LRFN5: variants seen among roughly 807,000 people sequenced by gnomAD.
The protein encoded by LRFN5 is leucine rich repeat and fibronectin type III domain containing 5.
A neutral mutation model predicts 45.6 loss-of-function variants in LRFN5; 24 were observed. The ratio of observed to expected loss-of-function variants is 0.53; its 90% CI spans 0.38 to 0.74. The LOEUF (loss-of-function observed/expected upper bound fraction) is 0.74. Ranked by LOEUF, LRFN5 falls within the 30% of genes least tolerant of loss-of-function variation. The pLI is 0.00. For synonymous variants in LRFN5, 340 were observed against 313.8 expected (o/e 1.08, Z -0.88); for missense variants, 776 against 861.5 (o/e 0.90, Z 1.24).
At chr14:41,746,789 T>G (rs1234803332) in intron 1 of LRFN5, among the ~76,000 whole-genome samples, 2 of 151,966 alleles carry the variant, frequency 1.3e-5, no homozygotes, top group Non-Finnish European at 2.9e-5. Flanking sequence ...ATATGATCTT[T>G]TAAGTAGAAA....
chr14:41,783,279 G>A (rs1216527953), intron 2 of LRFN5, among the ~76,000 whole-genome samples: 6 of 152,158 alleles, frequency 3.9e-5, no homozygotes, highest in Admixed American at 3.9e-4. Flanking sequence ...TCAGCCTTCA[G>A]CAAATCACCA....
intron 2 of LRFN5, among the ~76,000 whole-genome samples, chr14:41,866,153 T>G (rs1013900155): frequency 2.6e-5 from 4 of 152,168 alleles, no homozygotes; most frequent in Non-Finnish European, 1.5e-5. Context: ...ACACCTCTGT[T>G]TTTATCTAGA....
intron 2 of LRFN5, among the ~76,000 whole-genome samples, chr14:41,792,223 G>C (rs1886948039): frequency 6.6e-6 from 1 of 152,038 alleles, no homozygotes; most frequent in South Asian, 2.1e-4. Context: ...AAGATCACAT[G>C]CTTCAAAGGG....
At chr14:41,631,360 G>GA (rs1888527657) in intron 1 of LRFN5, among the ~76,000 whole-genome samples, 1 of 151,920 alleles carries the variant, frequency 6.6e-6, no homozygotes, top group African/African-American at 2.4e-5. Context: ...ACCTATCTCA[G>GA]AAAACCATGT....
At chr14:41,659,426 C>G (rs1880529756) in intron 1 of LRFN5, among the ~76,000 whole-genome samples, 1 of 152,024 alleles carries the variant, frequency 6.6e-6, no homozygotes, top group Admixed American at 6.6e-5. Flanking sequence ...GTATATGTGC[C>G]ACATCTTCTT....
intron 1 of LRFN5, among the ~76,000 whole-genome samples, chr14:41,735,687 T>G (rs1371023014): frequency 6.6e-6 from 1 of 152,166 alleles, no homozygotes; most frequent in East Asian, 1.9e-4. Flanking sequence ...ACAAGTGCCG[T>G]GGTGATAAGC....
chr14:41,755,148 G>C (rs991636710), intron 1 of LRFN5, among the ~76,000 whole-genome samples: 7 of 152,104 alleles, frequency 4.6e-5, no homozygotes, highest in African/African-American at 1.7e-4. Flanking sequence ...TATAATTTCT[G>C]TTCTTTTACA....
At chr14:41,620,499 A>G (rs1472027668) in intron 1 of LRFN5, among the ~76,000 whole-genome samples, 2 of 152,080 alleles carry the variant, frequency 1.3e-5, no homozygotes, top group African/African-American at 4.8e-5. Context: ...CGAAGAATTG[A>G]GGAGAGATGA....
intron 1 of LRFN5, among the ~76,000 whole-genome samples, chr14:41,685,415 C>A (rs993029901): frequency 2.0e-5 from 3 of 152,022 alleles, no homozygotes; most frequent in East Asian, 1.9e-4. Context: ...TATTACCAGA[C>A]AAACAGATAG....
At position 41,818,155 on chromosome 14, in the gene LRFN5, G is replaced by A. The variant is rs74045453; in HGVS notation, c.-21+51126G>A. On this transcript the variant is annotated intron_variant, in intron 2 of 5. Coordinates refer to ENST00000298119, the MANE Select transcript of LRFN5 (RefSeq NM_152447.5). ...ATGCTAACTGCATGTTAATTATCTGGGTCTTAGCCTTTTCCTTTTTTATTC... is the reference window on the plus strand; with the variant it reads ...ATGCTAACTGCATGTTAATTATCTGAGTCTTAGCCTTTTCCTTTTTTATTC... Among the ~76,000 whole-genome samples, 188 of 151,676 alleles carry A rather than the reference G, an allele frequency of 1.2e-3. 1 individual carries two copies. The highest frequency in any genetic ancestry group is 4.4e-3 in the African/African-American group (182 of 41,380).
intron 1 of LRFN5, among the ~76,000 whole-genome samples, chr14:41,759,448 TA>T (rs1885554974): frequency 1.3e-4 from 14 of 109,642 alleles, no homozygotes; most frequent in Admixed American, 2.0e-4. Flanking sequence ...TCTCTCTCTC[TA>T]CACACACACA....
At position 41,891,607 on chromosome 14, in the gene LRFN5, T is replaced by C. The variant is rs997295179; in HGVS notation, c.1743T>C (p.Cys581=). The C allele has an allele frequency of 6.2e-7, 1 of 1,614,070 alleles. No homozygotes were observed. Among genetic ancestry groups the C allele is most frequent in the Non-Finnish European group, 8.5e-7 (1 of 1,180,036 alleles). The change falls in exon 4 of 6, where the codon TGT becomes TGC. Residue 581 remains cysteine (C), a synonymous_variant. Coordinates refer to ENST00000298119, the MANE Select transcript of LRFN5 (RefSeq NM_152447.5). ...SQTNGAQIQG[C]SVTLPQSVSK... Reference sequence around the variant, plus strand: ...CTAACGGGGCTCAAATACAAGGCTGTAGTGTAACGCTGCCCCAGTCCGTGT... The same window carrying C: ...CTAACGGGGCTCAAATACAAGGCTGCAGTGTAACGCTGCCCCAGTCCGTGT...
At chr14:41,853,904 T>C (rs1178725860) in intron 2 of LRFN5, among the ~76,000 whole-genome samples, 1 of 152,102 alleles carries the variant, frequency 6.6e-6, no homozygotes, top group Non-Finnish European at 1.5e-5. Context: ...TATGATTTAC[T>C]GGTTTCTTAT....
chr14:41,612,011 T>G (rs1887774876), intron 1 of LRFN5, among the ~76,000 whole-genome samples: 1 of 152,202 alleles, frequency 6.6e-6, no homozygotes, highest in Admixed American at 6.5e-5. Flanking sequence ...ATATCATGTT[T>G]TATCACTCTT....
intron 2 of LRFN5, among the ~76,000 whole-genome samples, chr14:41,807,568 T>C (rs1157179527): frequency 6.6e-6 from 1 of 152,170 alleles, no homozygotes; most frequent in Admixed American, 6.6e-5. Context: ...TAAATGAGAT[T>C]TGAATGCTCT....
chr14:41,832,416 G>A (rs960009361), intron 2 of LRFN5, among the ~76,000 whole-genome samples: 2 of 152,078 alleles, frequency 1.3e-5, no homozygotes, highest in Admixed American at 6.5e-5. Flanking sequence ...GGCACAAAGC[G>A]ACCAATGGCA....
At chr14:41,703,447 AT>A (rs1432191651) in intron 1 of LRFN5, among the ~76,000 whole-genome samples, 1 of 151,936 alleles carries the variant, frequency 6.6e-6, no homozygotes, top group Non-Finnish European at 1.5e-5. Flanking sequence ...TAATTATTCC[AT>A]TCTGACTATT....
chr14:41,888,259 G>A (rs1034596974), intron 3 of LRFN5, among the ~76,000 whole-genome samples: 1 of 152,020 alleles, frequency 6.6e-6, no homozygotes, highest in Non-Finnish European at 1.5e-5. Context: ...TCTAAGAGAT[G>A]TGACTATCAG....
chr14:41,761,858 G>A (rs1299312635), intron 1 of LRFN5, among the ~76,000 whole-genome samples: 3 of 151,626 alleles, frequency 2.0e-5, no homozygotes, highest in Non-Finnish European at 4.4e-5. Context: ...GATAGCTCTG[G>A]GGTCTTCATC....
Sources: allele counts gnomAD v4.1 joint callset (sites outside exome capture counted in the v4.1 genomes callset), GRCh38; gene constraint gnomAD v4.1.1; transcripts MANE v1.5; gene names NCBI Gene and HGNC (gene_info 2026-07-23, HGNC 2026-07-21).